SYT16: variants seen among roughly 807,000 people sequenced by gnomAD.
SYT16 encodes the protein synaptotagmin 16, also known as synaptotagmin-16.
Under a neutral mutation model 61.4 loss-of-function variants are expected in SYT16, and 42 were observed. The ratio of observed to expected loss-of-function variants is 0.68; its 90% CI spans 0.53 to 0.89. The LOEUF is 0.89. Ranked by LOEUF, SYT16 falls within the 40% of genes least tolerant of loss-of-function variation. The pLI, the probability that SYT16 is intolerant of heterozygous loss-of-function variation, is 0.00. For synonymous variants in SYT16, 314 were observed against 302.3 expected, an observed-to-expected ratio of 1.04 and a Z score of -0.40; for missense variants, 804 against 807.3, an observed-to-expected ratio of 1.00 and a Z score of 0.05.
At chr14:62,034,644 A>G (rs1028738390) in intron 3 of SYT16, among the ~76,000 whole-genome samples, 3 of 151,808 alleles carry the variant, frequency 2.0e-5, no homozygotes, top group Admixed American at 1.3e-4. Flanking sequence ...AATGTCCACA[A>G]TAGGCCATTC....
At chr14:61,905,772 T>C (rs2048683924) in intron 1 of SYT16, among the ~76,000 whole-genome samples, 2 of 150,100 alleles carry the variant, frequency 1.3e-5, no homozygotes, top group Admixed American at 1.3e-4. Context: ...TTTTTTTTTT[T>C]TTTGGGGATA....
At chr14:61,976,580 T>A (rs2051813494) in intron 2 of SYT16, among the ~76,000 whole-genome samples, 1 of 152,232 alleles carries the variant, frequency 6.6e-6, no homozygotes. Context: ...CTACCAAGAC[T>A]TGGGGCTTGT....
intron 2 of SYT16, among the ~76,000 whole-genome samples, chr14:61,983,226 C>A (rs566661578): frequency 2.6e-5 from 4 of 152,076 alleles, no homozygotes; most frequent in African/African-American, 9.7e-5. Flanking sequence ...CTTAGCCTGA[C>A]AGATTAAAGT....
intron 1 of SYT16, among the ~76,000 whole-genome samples, chr14:61,894,187 T>C (rs2048240585): frequency 1.3e-5 from 2 of 151,400 alleles, no homozygotes. Flanking sequence ...CAGGAGGCCA[T>C]GGAAGGAGAA....
intron 1 of SYT16, chr14:61,864,768 G>A: frequency 1.1e-6 from 1 of 942,100 alleles, no homozygotes; most frequent in Non-Finnish European, 1.6e-6. Context: ...CATGTGGCTG[G>A]CCGGTTGGGC....
chr14:62,007,396 A>G (rs1396449277), intron 3 of SYT16, among the ~76,000 whole-genome samples: 1 of 152,164 alleles, frequency 6.6e-6, no homozygotes, highest in East Asian at 1.9e-4. Flanking sequence ...TGTCCAGGGA[A>G]AAAGGTTTAA....
At chr14:62,067,522 A>G (rs1318628867) in intron 3 of SYT16, among the ~76,000 whole-genome samples, 2 of 152,192 alleles carry the variant, frequency 1.3e-5, no homozygotes, top group Non-Finnish European at 2.9e-5. Context: ...GTGTGCTGGT[A>G]TATCAAGGGT....
At chr14:61,964,685 A>T (rs975221462) in intron 1 of SYT16, among the ~76,000 whole-genome samples, 1 of 152,192 alleles carries the variant, frequency 6.6e-6, no homozygotes, top group Non-Finnish European at 1.5e-5. Context: ...TGCTGTGGAT[A>T]AAATGCTCTC....
intron 2 of SYT16, among the ~76,000 whole-genome samples, chr14:61,994,749 G>A (rs1036810350): frequency 4.6e-5 from 7 of 152,274 alleles, no homozygotes; most frequent in Non-Finnish European, 8.8e-5. Context: ...TGGAGGCAAA[G>A]CCCTCAGGAT....
chr14:62,018,120 C>A (rs572376565), intron 3 of SYT16, among the ~76,000 whole-genome samples: 16 of 152,130 alleles, frequency 1.1e-4, no homozygotes, highest in Admixed American at 7.2e-4. Flanking sequence ...GCATGTCATT[C>A]CTTTGCTGTC....
intron 1 of SYT16, among the ~76,000 whole-genome samples, chr14:61,839,327 T>C (rs565080825): frequency 6.6e-6 from 1 of 152,324 alleles, no homozygotes; most frequent in South Asian, 2.1e-4. Flanking sequence ...AAGAAGGCCC[T>C]CACCAGATGC....
chr14:62,099,780 A>G (rs1432557889), intron 7 of SYT16, among the ~76,000 whole-genome samples: 3 of 152,074 alleles, frequency 2.0e-5, no homozygotes, highest in Non-Finnish European at 4.4e-5. Context: ...CAGGAGGCTG[A>G]TGGGGTAGGA....
intron 1 of SYT16, among the ~76,000 whole-genome samples, chr14:61,868,327 A>T (rs185416869): frequency 3.1e-4 from 47 of 151,956 alleles, no homozygotes; most frequent in South Asian, 1.7e-3. Context: ...ATTTAAAAAA[A>T]TTTTATTTCC....
intron 1 of SYT16, among the ~76,000 whole-genome samples, chr14:61,895,579 C>T (rs2048296638): frequency 6.6e-6 from 1 of 152,252 alleles, no homozygotes; most frequent in South Asian, 2.1e-4. Context: ...CAGGGCCTGG[C>T]AAATAGAAAG....
At chr14:61,882,647 G>A (rs1450261695) in intron 1 of SYT16, among the ~76,000 whole-genome samples, 1 of 152,132 alleles carries the variant, frequency 6.6e-6, no homozygotes, top group Non-Finnish European at 1.5e-5. Context: ...ACACGATCAT[G>A]CCTTTCTAAC....
At chr14:61,812,838 G>A (rs1161422152) in intron 1 of SYT16, 28 bp downstream of exon 1, 3 of 152,236 alleles carry the variant, frequency 2.0e-5, no homozygotes, top group Non-Finnish European at 4.4e-5. Flanking sequence ...GCGGAGGCCA[G>A]GGGTGGGGGG....
intron 1 of SYT16, among the ~76,000 whole-genome samples, chr14:61,839,683 G>A (rs1397247511): frequency 6.6e-6 from 1 of 152,130 alleles, no homozygotes; most frequent in Non-Finnish European, 1.5e-5. Context: ...GAACTGGGTT[G>A]GAGCCCAATC....
At position 61,996,010 on chromosome 14, in the gene SYT16, A is replaced by G; in HGVS notation, c.-10A>G. The G allele has an allele frequency of 6.4e-7, 1 of 1,571,872 alleles. No homozygotes were observed. Among genetic ancestry groups the G allele is most frequent in the Non-Finnish European group, 8.6e-7 (1 of 1,159,722 alleles). ...AACAACTGGACACTGTAGACATCAG[A>G]TAGCTGGCCATGGTGTTGGCCATGG... On this transcript the variant is annotated 5_prime_UTR_variant, in exon 3 of 8. Transcript: ENST00000683842.
At chr14:61,979,562 C>T (rs2051970315) in intron 2 of SYT16, among the ~76,000 whole-genome samples, 1 of 152,078 alleles carries the variant, frequency 6.6e-6, no homozygotes. Flanking sequence ...TACATATTCC[C>T]CTCCTTTTCT....
Sources: gnomAD v4.1 joint callset for allele counts (sites outside exome capture counted in the v4.1 genomes callset) on GRCh38, gnomAD v4.1.1 for gene constraint, MANE v1.5 for transcripts, NCBI Gene and HGNC (gene_info 2026-07-23, HGNC 2026-07-21) for gene names.